AGTPBP1: variants seen among roughly 807,000 people sequenced by gnomAD.
The protein encoded by AGTPBP1 is ATP/GTP binding carboxypeptidase 1.
A neutral mutation model predicts 143.9 loss-of-function variants in AGTPBP1; 70 were observed. The observed-to-expected ratio is 0.49, with a 90% CI of 0.40 to 0.59. The LOEUF is 0.59. Among genes scored for constraint, AGTPBP1 ranks in the 20% least tolerant of loss-of-function variants. The pLI is 0.00. For synonymous variants in AGTPBP1, 463 were observed against 500.2 expected, an observed-to-expected ratio of 0.93 and a Z score of 0.99; for missense variants, 1,229 against 1,464.5, an observed-to-expected ratio of 0.84 and a Z score of 2.62.
the AGTPBP1 span, among the ~76,000 whole-genome samples, chr9:85,785,249 G>A: frequency 6.6e-6 from 1 of 152,090 alleles, no homozygotes; most frequent in Non-Finnish European, 1.5e-5. Flanking sequence ...CAGGAGAATG[G>A]TGTGAACCCA....
chr9:85,719,855 C>T (rs1837983403), intron 1 of AGTPBP1, among the ~76,000 whole-genome samples: 1 of 152,102 alleles, frequency 6.6e-6, no homozygotes, highest in African/African-American at 2.4e-5. Flanking sequence ...AGTTTATTGA[C>T]AGTTTGTAAC....
In AGTPBP1 at chr9:85,707,969, G is replaced by A. The variant is rs541483872; in HGVS notation, c.32+4533C>T. Among the ~76,000 whole-genome samples, 6 of 152,154 alleles carry A rather than the reference G, an allele frequency of 3.9e-5. No homozygotes were observed. In the East Asian group the frequency reaches 9.6e-4, roughly 24 times the overall value. On this transcript the variant is annotated intron_variant, in intron 2 of 25. Transcript: ENST00000357081. ...AGGAGAAATACCTAATGTAGGTGAC[G>A]GGTTGATGGGTGTAACAAACCACCA...
the AGTPBP1 span, chr9:85,786,307 C>A: frequency 6.3e-7 from 1 of 1,595,294 alleles, no homozygotes. Context: ...TTCTTTAGCA[C>A]CCCCCAGTGG....
intron 25 of AGTPBP1, among the ~76,000 whole-genome samples, chr9:85,562,555 C>T (rs1250541166): frequency 6.6e-6 from 1 of 152,120 alleles, no homozygotes; most frequent in Non-Finnish European, 1.5e-5. Context: ...TAGTTTTAAG[C>T]TCTGTTTAAT....
At position 85,606,608 on chromosome 9, in the gene AGTPBP1, A is replaced by G. The variant is rs139111883; in HGVS notation, c.2336-10159T>C. ...CTGAAAGGATACCTACACCCACCCC[A>G]TGTTTATTGTAGCACTATTCACAAT... On this transcript the variant is annotated intron_variant, in intron 17 of 25. Coordinates refer to ENST00000357081, the MANE Select transcript of AGTPBP1 (RefSeq NM_001330701.2). Among the ~76,000 whole-genome samples, 308 of 152,168 alleles carry G rather than the reference A, an allele frequency of 2.0e-3. 1 individual carries two copies. The highest frequency in any genetic ancestry group is 7.1e-3 in the African/African-American group (295 of 41,570).
intron 1 of AGTPBP1, 75 bp from the exon 2 acceptor site, chr9:85,712,641 C>T (rs910178356): frequency 1.2e-5 from 8 of 660,290 alleles, no homozygotes; most frequent in African/African-American, 9.4e-5. Context: ...AGAAGCCATA[C>T]AATGGAAAGT....
Position 85,547,019 on chromosome 9 carries a change from T to C in AGTPBP1, c.*90A>G, listed in dbSNP as rs554075625. ...ACTTTTTGTCTTTTTGAGTCAGCTC[T>C]GTATAAACTCATTTCTCTCAAGCTT... On this transcript the variant is annotated 3_prime_UTR_variant, in exon 26 of 26. Transcript: ENST00000357081. 1.1e-4 allele frequency: 151 copies of C among 1,362,846 alleles called. No individual in the cohort carries two copies. In the African/African-American group the frequency reaches 1.9e-3, roughly 17 times the overall value. 84.4% of individuals were successfully genotyped at this position (1,362,846 alleles called of 1,614,324 possible). A position where few individuals can be genotyped will look rare whatever the true frequency, so the allele number is the denominator to read the frequency against.
intron 25 of AGTPBP1, among the ~76,000 whole-genome samples, chr9:85,551,091 C>T (rs548579717): frequency 1.5e-5 from 2 of 131,222 alleles, no homozygotes; most frequent in East Asian, 5.2e-4. Flanking sequence ...TCTGCTCCCG[C>T]TATGCCTTCC....
chr9:85,549,651 T>C (rs1825924196), intron 25 of AGTPBP1, among the ~76,000 whole-genome samples: 1 of 152,194 alleles, frequency 6.6e-6, no homozygotes. Flanking sequence ...GCAAGAAGGA[T>C]GCCCAGGATA....
At chr9:85,626,466 A>G (rs1564077495) in intron 14 of AGTPBP1, among the ~76,000 whole-genome samples, 1 of 152,218 alleles carries the variant, frequency 6.6e-6, no homozygotes, top group Non-Finnish European at 1.5e-5. Context: ...AGGGAATGTG[A>G]TAAGTTGGCA....
intron 12 of AGTPBP1, among the ~76,000 whole-genome samples, chr9:85,645,822 C>T (rs1030755936): frequency 1.3e-5 from 2 of 152,270 alleles, no homozygotes; most frequent in African/African-American, 4.8e-5. Context: ...CTTTACCTAA[C>T]ATCTTATGTA....
At chr9:85,706,374 C>T (rs928020362) in intron 2 of AGTPBP1, among the ~76,000 whole-genome samples, 8 of 151,380 alleles carry the variant, frequency 5.3e-5, no homozygotes, top group Admixed American at 1.3e-4. Flanking sequence ...AGCCAGGCAT[C>T]GTGGCAGGCA....
At chr9:85,610,815 C>A (rs1168854855) in intron 17 of AGTPBP1, among the ~76,000 whole-genome samples, 2 of 152,146 alleles carry the variant, frequency 1.3e-5, no homozygotes, top group Non-Finnish European at 2.9e-5. Flanking sequence ...GTTATAATTG[C>A]TTACAATGTT....
chr9:85,555,365 C>T (rs1203222769), intron 25 of AGTPBP1, among the ~76,000 whole-genome samples: 1 of 152,072 alleles, frequency 6.6e-6, no homozygotes, highest in Non-Finnish European at 1.5e-5. Context: ...TTTGGGAGGC[C>T]GAGGCGGGTA....
At chr9:85,747,208 C>G in the AGTPBP1 span, among the ~76,000 whole-genome samples, 12 of 152,252 alleles carry the variant, frequency 7.9e-5, no homozygotes, top group Non-Finnish European at 1.5e-4. Context: ...GGTTACTAAA[C>G]TCTCAGTTCT....
the AGTPBP1 span, chr9:85,786,331 A>G: frequency 6.2e-7 from 1 of 1,612,956 alleles, no homozygotes; most frequent in South Asian, 1.1e-5. Flanking sequence ...TATGTTAGGT[A>G]ATGAGAATAA....
intron 17 of AGTPBP1, among the ~76,000 whole-genome samples, chr9:85,616,672 T>C (rs1046333570): frequency 6.6e-6 from 1 of 151,958 alleles, no homozygotes; most frequent in Non-Finnish European, 1.5e-5. Context: ...TCTAAAAATA[T>C]TATGTAGCAT....
At chr9:85,753,378 A>T in the AGTPBP1 span, 1 of 1,613,532 alleles carries the variant, frequency 6.2e-7, no homozygotes, top group Non-Finnish European at 8.5e-7. Flanking sequence ...ATGTAACTTG[A>T]AAAGGAGAAA....
chr9:85,754,827 A>AT, the AGTPBP1 span, among the ~76,000 whole-genome samples: 1 of 152,074 alleles, frequency 6.6e-6, no homozygotes, highest in Non-Finnish European at 1.5e-5. Context: ...ACCAGTTGTA[A>AT]TTTTTTAGGT....
Sources: gnomAD v4.1 joint callset for allele counts (sites outside exome capture counted in the v4.1 genomes callset) on GRCh38, gnomAD v4.1.1 for gene constraint, MANE v1.5 for transcripts, NCBI Gene and HGNC (gene_info 2026-07-23, HGNC 2026-07-21) for gene names.